The following DOCK3 variants were observed in gnomAD, a reference collection of about 807,000 sequenced individuals.
DOCK3 encodes dedicator of cytokinesis 3.
DOCK3 carries 60 observed loss-of-function variants against 265.6 expected under a neutral mutation model. That is an observed-to-expected ratio of 0.23 (90% CI 0.18 to 0.28). The LOEUF (loss-of-function observed/expected upper bound fraction) is 0.28, where lower values mean the gene tolerates loss of function less well. Ranked by LOEUF, DOCK3 falls within the 10% of genes least tolerant of loss-of-function variation. The pLI is 1.00. For synonymous variants in DOCK3, 881 were observed against 938.0 expected, an observed-to-expected ratio of 0.94 and a Z score of 1.11; for missense variants, 1,981 against 2,594.3, an observed-to-expected ratio of 0.76 and a Z score of 5.14.
intron 21 of DOCK3, among the ~76,000 whole-genome samples, chr3:51,242,021 C>CCA (rs2078632005): frequency 1.3e-5 from 2 of 151,974 alleles, no homozygotes; most frequent in African/African-American, 4.8e-5. Flanking sequence ...GGTCCTTGTG[C>CCA]TGGTTCTTTT....
At chr3:50,922,659 C>T (rs942024353) in intron 4 of DOCK3, among the ~76,000 whole-genome samples, 1 of 152,108 alleles carries the variant, frequency 6.6e-6, no homozygotes, top group Admixed American at 6.5e-5. Flanking sequence ...TCCTTTTTGG[C>T]CATCTTGGAA....
chr3:51,264,183 T>C (rs2080025254), intron 23 of DOCK3, among the ~76,000 whole-genome samples: 1 of 152,164 alleles, frequency 6.6e-6, no homozygotes, highest in African/African-American at 2.4e-5. Context: ...CTTCGGCAAA[T>C]GCAGAAGAAC....
chr3:51,214,385 T>G (rs1309496492), intron 14 of DOCK3, 138 bp downstream of exon 14: 2 of 1,258,804 alleles, frequency 1.6e-6, no homozygotes, highest in African/African-American at 3.0e-5. Context: ...GTCAGGCTGC[T>G]TACTGCAGTC....
Position 51,165,961 on chromosome 3 carries a change from CA to C in DOCK3, c.1037+5260del, listed in dbSNP as rs2086383778. The stretch of plus-strand genomic sequence containing the variant: ...TAAAGAAAATATATAATTCCTCATT[CA>C]TCCGTCACTTCCCATTGTAATTATA... On this transcript the variant is annotated intron_variant, in intron 12 of 52. Coordinates refer to ENST00000266037, the MANE Select transcript of DOCK3 (RefSeq NM_004947.5). Among the ~76,000 whole-genome samples, 3 of 149,846 alleles carry C rather than the reference CA, an allele frequency of 2.0e-5. 1 individual carries two copies. The South Asian group carries it at 6.3e-4, about 32-fold the overall frequency.
intron 33 of DOCK3, 125 bp downstream of exon 33, chr3:51,330,348 T>G: frequency 1.2e-5 from 9 of 778,430 alleles, no homozygotes; most frequent in Non-Finnish European, 1.6e-5. Context: ...CCTGGGTTGT[T>G]CCTGATGGTA....
intron 23 of DOCK3, among the ~76,000 whole-genome samples, chr3:51,262,023 G>A (rs1227832247): frequency 6.6e-6 from 1 of 152,218 alleles, no homozygotes; most frequent in African/African-American, 2.4e-5. Context: ...TGCCGGCTCT[G>A]AAGGGAATGG....
intron 1 of DOCK3, among the ~76,000 whole-genome samples, chr3:50,680,568 G>A (rs1169454524): frequency 1.5e-5 from 2 of 137,634 alleles, no homozygotes; most frequent in African/African-American, 2.8e-5. Flanking sequence ...ACCCAGGCTT[G>A]TGTGCTATGG....
chr3:50,797,537 G>A (rs896670651), intron 2 of DOCK3, among the ~76,000 whole-genome samples: 14 of 152,228 alleles, frequency 9.2e-5, no homozygotes, highest in African/African-American at 3.4e-4. Flanking sequence ...TGTCAGCACT[G>A]CAGAGGCTTC....
intron 6 of DOCK3, among the ~76,000 whole-genome samples, chr3:51,072,734 C>A (rs747232985): frequency 1.3e-5 from 2 of 151,974 alleles, no homozygotes; most frequent in African/African-American, 2.4e-5. Flanking sequence ...GAGACAGGGT[C>A]TCTCTCTGTC....
chr3:50,996,279 G>C (rs189033023), intron 5 of DOCK3, among the ~76,000 whole-genome samples: 1 of 150,770 alleles, frequency 6.6e-6, no homozygotes, highest in Non-Finnish European at 1.5e-5. Context: ...GTGCAGTGGC[G>C]CTATCTCGGC....
intron 5 of DOCK3, among the ~76,000 whole-genome samples, chr3:51,025,283 C>CT: frequency 6.6e-6 from 1 of 152,188 alleles, no homozygotes; most frequent in East Asian, 1.9e-4. Flanking sequence ...TCTCAGGTCG[C>CT]TGGGGTAATG....
chr3:51,054,236 T>C (rs1211290953), intron 5 of DOCK3, among the ~76,000 whole-genome samples: 1 of 151,984 alleles, frequency 6.6e-6, no homozygotes, highest in Non-Finnish European at 1.5e-5. Flanking sequence ...CTTGGCTGGA[T>C]ATATACTTCT....
At chr3:51,066,535 G>T (rs954772068) in intron 6 of DOCK3, among the ~76,000 whole-genome samples, 1 of 152,182 alleles carries the variant, frequency 6.6e-6, no homozygotes, top group Non-Finnish European at 1.5e-5. Flanking sequence ...TTGCCAGCCA[G>T]AGTTTTATTT....
intron 23 of DOCK3, among the ~76,000 whole-genome samples, chr3:51,260,578 A>G (rs1231785779): frequency 2.6e-5 from 4 of 152,246 alleles, no homozygotes. Flanking sequence ...TTCTGTGAAC[A>G]GTCTTTAGAC....
At chr3:51,290,779 A>G (rs2081704151) in intron 27 of DOCK3, among the ~76,000 whole-genome samples, 1 of 152,170 alleles carries the variant, frequency 6.6e-6, no homozygotes, top group African/African-American at 2.4e-5. Context: ...TTAGGTCAAA[A>G]ATTATAAAAA....
chr3:51,275,074 C>G lies in DOCK3; in HGVS notation c.2549-5C>G, dbSNP rs2080738248. ...TTTTCTTCACCTTTGTATTTTCTCT[C>G]CCAGAATCCCGCCGCATCCTGCTTC... On this transcript the variant is annotated splice_region_variant and splice_polypyrimidine_tract_variant and intron_variant, in intron 24 of 52. Coordinates refer to ENST00000266037, the MANE Select transcript of DOCK3 (RefSeq NM_004947.5). 3 of 1,613,940 alleles carry G rather than the reference C, an allele frequency of 1.9e-6. No individual in the cohort carries two copies. Among genetic ancestry groups the G allele is most frequent in the Non-Finnish European group, 2.5e-6 (3 of 1,179,872 alleles).
intron 10 of DOCK3, among the ~76,000 whole-genome samples, chr3:51,157,003 TTAA>T (rs1193945429): frequency 6.6e-6 from 1 of 152,236 alleles, no homozygotes; most frequent in South Asian, 2.1e-4. Flanking sequence ...TAGTACCATC[TTAA>T]TAAGTATCAA....
At chr3:50,905,275 G>A (rs1371135480) in intron 4 of DOCK3, among the ~76,000 whole-genome samples, 4 of 152,228 alleles carry the variant, frequency 2.6e-5, no homozygotes, top group Middle Eastern at 6.8e-3. Context: ...GAACTTTAAA[G>A]TAGTTTTTTC....
At chr3:50,813,826 C>G (rs2043904710) in intron 2 of DOCK3, among the ~76,000 whole-genome samples, 1 of 152,148 alleles carries the variant, frequency 6.6e-6, no homozygotes. Flanking sequence ...CAATCAAAAA[C>G]CTAAGTATGC....
Sources: gnomAD v4.1 joint callset for allele counts (sites outside exome capture counted in the v4.1 genomes callset) on GRCh38, gnomAD v4.1.1 for gene constraint, MANE v1.5 for transcripts, NCBI Gene and HGNC (gene_info 2026-07-23, HGNC 2026-07-21) for gene names.